The following HMGCLL1 variants were observed in gnomAD, a reference collection of about 807,000 sequenced individuals.
HMGCLL1 encodes 3-hydroxy-3-methylglutaryl-CoA lyase like 1.
A neutral mutation model predicts 39.1 loss-of-function variants in HMGCLL1; 36 were observed. That is an observed-to-expected ratio of 0.92 (90% CI 0.71 to 1.22). The LOEUF is 1.22. Among genes scored for constraint, HMGCLL1 ranks in the 50% most tolerant of loss-of-function variants. The pLI is 0.00. For synonymous variants in HMGCLL1, 149 were observed against 144.0 expected (o/e 1.03, Z -0.25); for missense variants, 451 against 416.5 (o/e 1.08, Z -0.72).
chr6:55,455,927 T>C (rs6459079), intron 7 of HMGCLL1, among the ~76,000 whole-genome samples: 73,080 of 152,026 alleles, frequency 0.48, 18,803 homozygotes, highest in African/African-American at 0.67. Context: ...AATTATGTCC[T>C]CAAATTATAA....
chr6:55,490,894 T>A (rs1581849283), intron 7 of HMGCLL1, among the ~76,000 whole-genome samples: 1 of 102,472 alleles, frequency 9.8e-6, no homozygotes, highest in African/African-American at 5.7e-5. Flanking sequence ...TGTATACCCA[T>A]TTTTTTTTTA....
At chr6:55,545,091 G>A (rs1161894591) in intron 1 of HMGCLL1, among the ~76,000 whole-genome samples, 2 of 151,912 alleles carry the variant, frequency 1.3e-5, no homozygotes, top group African/African-American at 4.8e-5. Flanking sequence ...AACAAAACTA[G>A]GCAATCTTAA....
At chr6:55,640,322 T>A in the HMGCLL1 span, among the ~76,000 whole-genome samples, 1 of 152,106 alleles carries the variant, frequency 6.6e-6, no homozygotes, top group Admixed American at 6.6e-5. Context: ...TTTCATTTAT[T>A]CATTGAAAAT....
At chr6:55,644,894 TC>T in the HMGCLL1 span, among the ~76,000 whole-genome samples, 3 of 152,042 alleles carry the variant, frequency 2.0e-5, no homozygotes, top group Admixed American at 1.3e-4. Flanking sequence ...CTCCTGTGAC[TC>T]CACATATGTT....
chr6:55,586,555 C>A, the HMGCLL1 span, among the ~76,000 whole-genome samples: 2 of 151,392 alleles, frequency 1.3e-5, no homozygotes, highest in East Asian at 3.9e-4. Flanking sequence ...TCCCCCCACC[C>A]TACAACAGGC....
chr6:55,535,402 A>T (rs1768955630), intron 3 of HMGCLL1, among the ~76,000 whole-genome samples: 1 of 152,322 alleles, frequency 6.6e-6, no homozygotes, highest in Admixed American at 6.5e-5. Flanking sequence ...CTCTAGGATA[A>T]CTGATTAATA....
chr6:55,616,168 A>C, the HMGCLL1 span, among the ~76,000 whole-genome samples: 1 of 152,188 alleles, frequency 6.6e-6, no homozygotes, highest in Non-Finnish European at 1.5e-5. Flanking sequence ...ACTTGGGAAC[A>C]ATTTCCCCAG....
chr6:55,631,882 A>C, the HMGCLL1 span, among the ~76,000 whole-genome samples: 1 of 152,166 alleles, frequency 6.6e-6, no homozygotes, highest in Non-Finnish European at 1.5e-5. Context: ...TGTAGTCTCA[A>C]AACCCTGCAG....
the HMGCLL1 span, among the ~76,000 whole-genome samples, chr6:55,624,496 AG>A: frequency 6.6e-6 from 1 of 152,180 alleles, no homozygotes; most frequent in Non-Finnish European, 1.5e-5. Flanking sequence ...GTCCTACCAC[AG>A]GGGTATATCA....
At chr6:55,644,337 T>C in the HMGCLL1 span, among the ~76,000 whole-genome samples, 1 of 152,068 alleles carries the variant, frequency 6.6e-6, no homozygotes, top group Non-Finnish European at 1.5e-5. Context: ...TTTTCTCCTG[T>C]AATGTGGGTT....
chr6:55,548,884 G>GA (rs1441947361), intron 1 of HMGCLL1, among the ~76,000 whole-genome samples: 2 of 150,394 alleles, frequency 1.3e-5, no homozygotes, highest in African/African-American at 4.9e-5. Flanking sequence ...CATGTAAGAA[G>GA]AAAAAAATCA....
chr6:55,466,244 G>A (rs1222585799), intron 7 of HMGCLL1, among the ~76,000 whole-genome samples: 1 of 152,016 alleles, frequency 6.6e-6, no homozygotes, highest in African/African-American at 2.4e-5. Flanking sequence ...AAGAAACATG[G>A]TTTTGTAGGA....
In HMGCLL1 at chr6:55,544,274, C is replaced by A. The variant is rs184977808; in HGVS notation, c.109-2134G>T. 1.1e-3 allele frequency among the ~76,000 whole-genome samples: 172 copies of A among 152,134 alleles called. 1 individual carries two copies. Among genetic ancestry groups the A allele is most frequent in the African/African-American group, 4.0e-3 (167 of 41,516 alleles). Reference sequence around the variant, plus strand: ...AAGATATATTTGCCTTCTAAATATGCCCATTTAGAAGGCTGTTATTTAAAA... The same window carrying A: ...AAGATATATTTGCCTTCTAAATATGACCATTTAGAAGGCTGTTATTTAAAA... On this transcript the variant is annotated intron_variant, in intron 1 of 8. Transcript: ENST00000274901.
intron 3 of HMGCLL1, among the ~76,000 whole-genome samples, chr6:55,532,803 AC>A (rs1768760641): frequency 7.2e-6 from 1 of 138,450 alleles, no homozygotes; most frequent in Admixed American, 7.1e-5. Flanking sequence ...TCTGTCTCAA[AC>A]ATAATAATAA....
At chr6:55,593,347 G>A in the HMGCLL1 span, among the ~76,000 whole-genome samples, 1 of 152,016 alleles carries the variant, frequency 6.6e-6, no homozygotes, top group Non-Finnish European at 1.5e-5. Context: ...TAGTTTTTTA[G>A]GATTTATCCT....
At chr6:55,650,134 T>TATATATATATATATATAC in the HMGCLL1 span, among the ~76,000 whole-genome samples, 5 of 53,326 alleles carry the variant, frequency 9.4e-5, 1 homozygote, top group East Asian at 3.1e-3. Context: ...TATATATATA[T>TATATATATATATATATAC]ACACACACAC....
rs772891803 is a variant in HMGCLL1, at chr6:55,577,195, G to T, written c.108+1753C>A. The T allele has an allele frequency of 1.3e-6, 2 of 1,554,488 alleles. 1 individual carries two copies. Among genetic ancestry groups the T allele is most frequent in the South Asian group, 2.4e-5 (2 of 84,438 alleles). ...AGGAAGATAAAGTTCAAAAAGCCAAGTGTCAGATGTTAGTGCTGCTGTGAG... is the reference window on the plus strand; with the variant it reads ...AGGAAGATAAAGTTCAAAAAGCCAATTGTCAGATGTTAGTGCTGCTGTGAG... On this transcript the variant is annotated intron_variant, in intron 1 of 8. Coordinates refer to ENST00000274901, the MANE Select transcript of HMGCLL1 (RefSeq NM_001042406.2).
intron 7 of HMGCLL1, among the ~76,000 whole-genome samples, chr6:55,484,254 C>T (rs934004456): frequency 1.3e-5 from 2 of 151,912 alleles, no homozygotes; most frequent in Non-Finnish European, 2.9e-5. Context: ...TTCTTGAAAC[C>T]CTTTTTTGAG....
the HMGCLL1 span, among the ~76,000 whole-genome samples, chr6:55,600,663 A>T: frequency 6.6e-6 from 1 of 152,170 alleles, no homozygotes; most frequent in Non-Finnish European, 1.5e-5. Context: ...ATTCTAAAGA[A>T]TAAAAAAATT....
Sources: gnomAD v4.1 joint callset for allele counts (sites outside exome capture counted in the v4.1 genomes callset) on GRCh38, gnomAD v4.1.1 for gene constraint, MANE v1.5 for transcripts, NCBI Gene and HGNC (gene_info 2026-07-23, HGNC 2026-07-21) for gene names.